MCM5: variants seen among roughly 807,000 people sequenced by gnomAD.
MCM5 encodes the protein minichromosome maintenance complex component 5.
A neutral mutation model predicts 79.9 loss-of-function variants in MCM5; 46 were observed. The observed-to-expected ratio is 0.58, with a 90% CI of 0.45 to 0.74. The LOEUF (loss-of-function observed/expected upper bound fraction) is 0.74. Ranked by LOEUF, MCM5 falls within the 30% of genes least tolerant of loss-of-function variation. The pLI is 0.00. For missense variants in MCM5, 883 were observed against 1,017.0 expected, an observed-to-expected ratio of 0.87 and a Z score of 1.79; for synonymous variants, 404 against 390.5, an observed-to-expected ratio of 1.03 and a Z score of -0.41.
the MCM5 span, among the ~76,000 whole-genome samples, chr22:35,448,758 T>C: frequency 0.64 from 97,140 of 152,088 alleles, 33,019 homozygotes; most frequent in Non-Finnish European, 0.77. Flanking sequence ...ACAACACGCA[T>C]TATTCTCACT....
chr22:35,413,805 C>A, intron 8 of MCM5, 70 bp from the exon 9 acceptor site: 1 of 892,694 alleles, frequency 1.1e-6, no homozygotes, highest in Non-Finnish European at 1.9e-6. Flanking sequence ...GCCCACCAAT[C>A]TGGTGACTGG....
At chr22:35,434,396 C>T in the MCM5 span, among the ~76,000 whole-genome samples, 1 of 152,174 alleles carries the variant, frequency 6.6e-6, no homozygotes, top group Non-Finnish European at 1.5e-5. Context: ...CTGAACTCCC[C>T]ACCCTCTCTG....
chr22:35,453,819 T>TATATATATATAGAGAGAGAGAGAG, the MCM5 span, among the ~76,000 whole-genome samples: 12 of 81,546 alleles, frequency 1.5e-4, no homozygotes, highest in Middle Eastern at 0.015. Flanking sequence ...TATATATATA[T>TATATATATATAGAGAGAGAGAGAG]AGAGAGAGAG....
intron 8 of MCM5, among the ~76,000 whole-genome samples, chr22:35,413,099 G>A (rs1358064664): frequency 3.3e-5 from 5 of 151,932 alleles, no homozygotes; most frequent in Non-Finnish European, 7.4e-5. Context: ...CTGGAGTGCA[G>A]TGGTGTGATC....
At chr22:35,446,632 G>A in the MCM5 span, among the ~76,000 whole-genome samples, 3 of 152,104 alleles carry the variant, frequency 2.0e-5, no homozygotes, top group South Asian at 4.1e-4. Context: ...CAACCGGGGC[G>A]CCTGCAGGAG....
At chr22:35,411,108 G>A (rs1350990933) in intron 7 of MCM5, 198 bp downstream of exon 7, 3 of 507,694 alleles carry the variant, frequency 5.9e-6, no homozygotes, top group African/African-American at 3.8e-5. Context: ...TGGGCTGAGG[G>A]TGTTTGCCTA....
At position 35,410,831 on chromosome 22, in the gene MCM5, G is replaced by C. The variant is rs1162407732; in HGVS notation, c.840G>C (p.Arg280Ser). Residue 280 changes from arginine to serine, a missense_variant, in exon 7 of 17, where the codon AGG (arginine) becomes AGC (serine). Around this residue, in one of 3 missense-constraint regions of MCM5, gnomAD observed 455 missense variants for 517.5 expected, o/e 0.88. Transcript: ENST00000216122. ...AGAAGTTTGGCCTGACTACCAGCAG[G>C]GGCCGTGACAGGGTGGGCGTGGGCA... ...SIKKFGLTTS[R>S]GRDRVGVGIR... 6.2e-7 allele frequency: 1 copy of C among 1,613,902 alleles called. No individual in the cohort carries two copies. Among genetic ancestry groups the C allele is most frequent in the Admixed American group, 1.7e-5 (1 of 59,982 alleles).
At chr22:35,434,255 T>C in the MCM5 span, among the ~76,000 whole-genome samples, 3 of 151,792 alleles carry the variant, frequency 2.0e-5, no homozygotes, top group Non-Finnish European at 2.9e-5. Context: ...AGTAATAATA[T>C]GCTTGAAAAA....
the MCM5 span, among the ~76,000 whole-genome samples, chr22:35,441,339 G>A: frequency 6.7e-6 from 1 of 148,562 alleles, no homozygotes; most frequent in South Asian, 2.3e-4. Flanking sequence ...AGCTAAGGGT[G>A]GGCTCAGCTC....
At chr22:35,441,123 G>T in the MCM5 span, among the ~76,000 whole-genome samples, 3 of 152,188 alleles carry the variant, frequency 2.0e-5, no homozygotes, top group Non-Finnish European at 4.4e-5. Context: ...GTCCAAGGTG[G>T]GCCCTGCGCA....
rs368953035 is a variant in MCM5, at chr22:35,414,028, A to C, written c.1203+42A>C. On this transcript the variant is annotated intron_variant, in intron 9 of 16. Transcript: ENST00000216122. ...ACCTTTGCCACCTTGGCTTGCAGGG[A>C]GGAAGGCTGCAGGGCAGGGCCTCTG... 59 of 1,400,994 alleles carry C rather than the reference A, an allele frequency of 4.2e-5. No individual in the cohort carries two copies. In the African/African-American group the frequency reaches 7.6e-4, roughly 18 times the overall value. The allele number at this position is 1,400,994 out of a possible 1,614,324, so 86.8% of individuals were successfully genotyped here.
chr22:35,442,979 C>G, the MCM5 span, among the ~76,000 whole-genome samples: 1 of 152,154 alleles, frequency 6.6e-6, no homozygotes, highest in Non-Finnish European at 1.5e-5. Context: ...TAGCTCCTGC[C>G]CTGGCCTTTG....
At chr22:35,441,094 T>G in the MCM5 span, among the ~76,000 whole-genome samples, 2 of 146,654 alleles carry the variant, frequency 1.4e-5, no homozygotes, top group Admixed American at 6.8e-5. Flanking sequence ...CCAGTGACCG[T>G]ATGGTGAAGG....
At chr22:35,418,458 G>T (rs973439223) in intron 13 of MCM5, among the ~76,000 whole-genome samples, 1 of 152,062 alleles carries the variant, frequency 6.6e-6, no homozygotes, top group Admixed American at 6.6e-5. Flanking sequence ...TCAGGAGTGC[G>T]AGACCAGCCT....
the MCM5 span, among the ~76,000 whole-genome samples, chr22:35,437,154 T>G: frequency 6.6e-6 from 1 of 152,174 alleles, no homozygotes. Flanking sequence ...GAAGTGCCCA[T>G]GGCTGGGAAT....
At chr22:35,406,830 T>C in intron 5 of MCM5, 105 bp downstream of exon 5, 1 of 1,202,092 alleles carries the variant, frequency 8.3e-7, no homozygotes, top group African/African-American at 1.5e-5. Flanking sequence ...AGAGATCCAC[T>C]GGGATGGGCT....
chr22:35,404,370 C>A (rs1389850820), intron 4 of MCM5, among the ~76,000 whole-genome samples: 1 of 152,168 alleles, frequency 6.6e-6, no homozygotes, highest in Non-Finnish European at 1.5e-5. Context: ...GGTGTAAGTT[C>A]TTTCACAGAT....
chr22:35,415,073 G>A (rs1434722127), intron 9 of MCM5, among the ~76,000 whole-genome samples: 2 of 151,972 alleles, frequency 1.3e-5, no homozygotes, highest in Non-Finnish European at 2.9e-5. Flanking sequence ...ACATTAAAAA[G>A]TAGCTGGGTG....
At chr22:35,438,880 CATCCATCCATCT>C in the MCM5 span, among the ~76,000 whole-genome samples, 14 of 149,582 alleles carry the variant, frequency 9.4e-5, no homozygotes, top group South Asian at 1.9e-3. Context: ...TCCATCCATC[CATCCATCCATCT>C]ACATATCCAT....
Sources: allele counts gnomAD v4.1 joint callset (sites outside exome capture counted in the v4.1 genomes callset), GRCh38; gene constraint gnomAD v4.1.1; regional missense constraint gnomAD v4.1.1; transcripts MANE v1.5; gene names NCBI Gene and HGNC (gene_info 2026-07-23, HGNC 2026-07-21).